The following PIEZO2 variants were observed in gnomAD, a reference collection of about 807,000 sequenced individuals.
PIEZO2 encodes piezo type mechanosensitive ion channel component 2, also known as piezo-type mechanosensitive ion channel component 2.
PIEZO2 carries 172 observed loss-of-function variants against 337.3 expected under a neutral mutation model. The observed-to-expected ratio is 0.51, with a 90% confidence interval of 0.45 to 0.58. The LOEUF is 0.58. Among genes scored for constraint, PIEZO2 ranks in the 20% least tolerant of loss-of-function variants. PIEZO2 has a pLI of 0.00. For missense variants in PIEZO2, 3,028 were observed against 3,391.3 expected (o/e 0.89, Z 2.66); for synonymous variants, 1,251 against 1,228.5 (o/e 1.02, Z -0.38).
At chr18:10,679,646 T>G (rs1204362590) in intron 52 of PIEZO2, among the ~76,000 whole-genome samples, 2 of 152,176 alleles carry the variant, frequency 1.3e-5, no homozygotes, top group African/African-American at 4.8e-5. Context: ...AGGAACGGCC[T>G]TTCTCTCTCA....
chr18:10,753,638 G>C (rs2037730201), intron 27 of PIEZO2, among the ~76,000 whole-genome samples: 1 of 152,164 alleles, frequency 6.6e-6, no homozygotes, highest in South Asian at 2.1e-4. Flanking sequence ...GCGCATTTGG[G>C]AAGAAACATA....
In PIEZO2 at chr18:10,681,721, C is replaced by A. The variant is rs1484214836; in HGVS notation, c.7719G>T (p.Gln2573His). ...PIFTMSAQQS[Q>H]LKVMDQQSFN... The stretch of plus-strand genomic sequence containing the variant: ...AGCTCTGCTGGTCCATAACTTTCAA[C>A]TGGCTTTGTTGGGCACTCATTGTGA... Residue 2573 changes from glutamine (Q) to histidine (H), a missense_variant, in exon 51 of 56, where the codon CAG becomes CAT. Physicochemically the swap from Gln to His is conservative, Grantham distance 24 (BLOSUM62 0). Transcript: ENST00000674853. 2 of 1,611,592 alleles carry A rather than the reference C, an allele frequency of 1.2e-6. No homozygotes were observed. Among genetic ancestry groups the A allele is most frequent in the Admixed American group, 3.3e-5 (2 of 59,982 alleles).
intron 36 of PIEZO2, among the ~76,000 whole-genome samples, chr18:10,719,314 C>T (rs1376554278): frequency 6.6e-6 from 1 of 152,116 alleles, no homozygotes; most frequent in Non-Finnish European, 1.5e-5. Context: ...AAACATTGTA[C>T]CCAACAGGTA....
chr18:11,072,383 A>T (rs757676685), intron 1 of PIEZO2, among the ~76,000 whole-genome samples: 3 of 152,192 alleles, frequency 2.0e-5, no homozygotes, highest in Admixed American at 6.5e-5. Flanking sequence ...AATAAATAGA[A>T]CATTTCTCTT....
In PIEZO2 at chr18:10,701,981, T is replaced by C. The variant is rs749253153; in HGVS notation, c.6441+8A>G. 4.6e-6 allele frequency: 7 copies of C among 1,521,602 alleles called. No homozygotes were observed. Among genetic ancestry groups the C allele is most frequent in the Non-Finnish European group, 6.1e-6 (7 of 1,142,068 alleles). The allele number at this position is 1,521,602 out of a possible 1,614,324, so 94.3% of individuals were successfully genotyped here. ...AACTTGAACTGATTAATTGTTAACA[T>C]GCAGTACCTTCAAAATTGATCGATG... On this transcript the variant is annotated splice_region_variant and intron_variant, in intron 43 of 55. Transcript: ENST00000674853.
chr18:10,811,083 A>G (rs1360178004), intron 7 of PIEZO2, among the ~76,000 whole-genome samples: 1 of 152,112 alleles, frequency 6.6e-6, no homozygotes, highest in African/African-American at 2.4e-5. Context: ...GATATTCCTT[A>G]TAGTTAATAT....
In PIEZO2 at chr18:10,862,950, C is replaced by T. The variant is rs928341885; in HGVS notation, c.493-5739G>A. On this transcript the variant is annotated intron_variant, in intron 5 of 55. Transcript: ENST00000674853. The surrounding 1 kb of genome is among the most constrained non-coding windows in gnomAD (Gnocchi z 4.4). Reference sequence around the variant, plus strand: ...TCTGGAACCTCCTTTAGGTTTCAGTCGAGCTTTGGACCTCAGAGCAGAGCT... The same window carrying T: ...TCTGGAACCTCCTTTAGGTTTCAGTTGAGCTTTGGACCTCAGAGCAGAGCT... 2.7e-4 allele frequency among the ~76,000 whole-genome samples: 41 copies of T among 152,130 alleles called. No individual in the cohort carries two copies. The highest frequency in any genetic ancestry group is 9.2e-4 in the African/African-American group (38 of 41,406).
At position 10,718,216 on chromosome 18, in the gene PIEZO2, C is replaced by A; in HGVS notation, c.5073G>T (p.Lys1691Asn). 6.5e-7 allele frequency: 1 copy of A among 1,537,006 alleles called. No individual in the cohort carries two copies. The highest frequency in any genetic ancestry group is 8.7e-7 in the Non-Finnish European group (1 of 1,146,688). The change falls in exon 37 of 56, where the codon AAG (lysine) becomes AAT (asparagine). Residue 1691 changes from lysine to asparagine, a missense_variant. Lys to Asn is a moderately conservative substitution (Grantham distance 94, BLOSUM62 0). Around this residue, in one of 5 missense-constraint regions of PIEZO2, gnomAD observed 1,925 missense variants for 2,051.9 expected, o/e 0.94. Coordinates refer to ENST00000674853, the MANE Select transcript of PIEZO2 (RefSeq NM_001378183.1). ...TTTTGTTACCTGGTCCATCGGATTT[C>A]TTTTTGATTGGTTCATCCTCCCGGT... ...WEDREDEPIK[K>N]KSDGPDNIIK...
At chr18:11,147,185 C>T (rs1475820419) in intron 1 of PIEZO2, among the ~76,000 whole-genome samples, 1 of 152,160 alleles carries the variant, frequency 6.6e-6, no homozygotes, top group Non-Finnish European at 1.5e-5. Context: ...GGAAGCTTAG[C>T]TCTTCATCTA....
At position 11,102,394 on chromosome 18, in the gene PIEZO2, C is replaced by T. The variant is rs2039445627; in HGVS notation, c.65-36172G>A. ...TCAATTTACAAAGTAGAATGGTCTC[C>T]TCCTGTCAGTGGGCAAAACCCTGAT... On this transcript the variant is annotated intron_variant, in intron 1 of 55. Coordinates refer to ENST00000674853, the MANE Select transcript of PIEZO2 (RefSeq NM_001378183.1). The surrounding 1 kb of genome is among the most constrained non-coding windows in gnomAD (Gnocchi z 5.7). Among the ~76,000 whole-genome samples the T allele has an allele frequency of 6.6e-6, 1 of 152,138 alleles. No homozygotes were observed. The highest frequency in any genetic ancestry group is 1.5e-5 in the Non-Finnish European group (1 of 68,034).
At position 10,940,365 on chromosome 18, in the gene PIEZO2, G is replaced by C. The variant is rs2032661178; in HGVS notation, c.287-29137C>G. Among the ~76,000 whole-genome samples, 1 of 152,172 alleles carries C rather than the reference G, an allele frequency of 6.6e-6. No individual in the cohort carries two copies. The highest frequency in any genetic ancestry group is 1.5e-5 in the Non-Finnish European group (1 of 68,034). Reference sequence around the variant, plus strand: ...TGATTCTGTAAAAGTACTGGGTCTAGATACTGATTTCACAGGATCAGTGCT... The same window carrying C: ...TGATTCTGTAAAAGTACTGGGTCTACATACTGATTTCACAGGATCAGTGCT... On this transcript the variant is annotated intron_variant, in intron 3 of 55. Transcript: ENST00000674853. This position sits in a 1 kb window ranked among gnomAD's most constrained non-coding sequence, Gnocchi z 5.3.
rs2040350483 is a variant in PIEZO2, at chr18:10,815,922, AAAAT to A, written c.918-8652_918-8649del. On this transcript the variant is annotated intron_variant, in intron 7 of 55. Transcript: ENST00000674853. The surrounding 1 kb of genome is among the most constrained non-coding windows in gnomAD (Gnocchi z 4.1). ...AGTTATTCGCTCCTTACAGGTCCAC[AAAAT>A]TGCACCCAGCACACGTCAGTGGAGT... Among the ~76,000 whole-genome samples the A allele has an allele frequency of 6.6e-6, 1 of 152,192 alleles. No homozygotes were observed. Among genetic ancestry groups the A allele is most frequent in the Non-Finnish European group, 1.5e-5 (1 of 68,016 alleles).
intron 36 of PIEZO2, chr18:10,725,278 A>C (rs2036486903): frequency 1.9e-6 from 3 of 1,569,744 alleles, no homozygotes; most frequent in Admixed American, 1.7e-5. Context: ...CAAGTGCCAG[A>C]TATGGTCCAT....
Position 10,727,341 on chromosome 18 carries a change from T to G in PIEZO2, c.5029+4066A>C, listed in dbSNP as rs2036582943. The G allele has an allele frequency of 1.9e-5, 3 of 156,322 alleles. No homozygotes were observed. The highest frequency in any genetic ancestry group is 7.2e-5 in the African/African-American group (3 of 41,540). 9.7% of individuals were successfully genotyped at this position (156,322 alleles called of 1,614,324 possible). On this transcript the variant is annotated intron_variant, in intron 36 of 55. Transcript: ENST00000674853. The surrounding 1 kb of genome is among the most constrained non-coding windows in gnomAD (Gnocchi z 6.3). ...CCCTCACCTGTCCCCTTGGTGCTCC[T>G]TCAGCATTCGTGCTGTCTGCTTCTC...
intron 36 of PIEZO2, chr18:10,728,149 T>C (rs905461614): frequency 6.6e-6 from 1 of 152,586 alleles, no homozygotes; most frequent in Non-Finnish European, 1.5e-5. Context: ...AGAATTCAAC[T>C]ACATTCAAAT....
At chr18:10,971,052 A>C (rs1002644795) in intron 3 of PIEZO2, among the ~76,000 whole-genome samples, 8 of 152,178 alleles carry the variant, frequency 5.3e-5, no homozygotes, top group African/African-American at 4.8e-5. Flanking sequence ...GGCATTAATC[A>C]GGCCCTGGAG....
Position 10,726,917 on chromosome 18 carries a change from T to C in PIEZO2, c.5029+4490A>G, listed in dbSNP as rs1209683689. ...ACCAACCGGCTGGATGTGGCGGAGCTGGGTCGCCTGCTGCCCGACTGATGT... is the reference window on the plus strand; with the variant it reads ...ACCAACCGGCTGGATGTGGCGGAGCCGGGTCGCCTGCTGCCCGACTGATGT... On this transcript the variant is annotated intron_variant, in intron 36 of 55. Coordinates refer to ENST00000674853, the MANE Select transcript of PIEZO2 (RefSeq NM_001378183.1). This position sits in a 1 kb window ranked among gnomAD's most constrained non-coding sequence, Gnocchi z 5.9. The C allele has an allele frequency of 8.4e-5, 132 of 1,567,494 alleles. No homozygotes were observed. The highest frequency in any genetic ancestry group is 1.1e-4 in the Non-Finnish European group (124 of 1,154,354).
At position 10,895,294 on chromosome 18, in the gene PIEZO2, A is replaced by C. The variant is rs1416414949; in HGVS notation, c.329+15892T>G. ...AACCCCATTTCTACTAAAAATACAA[A>C]AATTAGCTGGGTATGTTGGTGCGCA... On this transcript the variant is annotated intron_variant, in intron 4 of 55. Coordinates refer to ENST00000674853, the MANE Select transcript of PIEZO2 (RefSeq NM_001378183.1). This position sits in a 1 kb window ranked among gnomAD's most constrained non-coding sequence, Gnocchi z 4.8. 6.6e-6 allele frequency among the ~76,000 whole-genome samples: 1 copy of C among 152,046 alleles called. No individual in the cohort carries two copies. The highest frequency in any genetic ancestry group is 1.9e-4 in the East Asian group (1 of 5,166).
chr18:10,767,022 CCCCTT>C lies in PIEZO2; in HGVS notation c.2946+3121_2946+3125del, dbSNP rs1568035210. On this transcript the variant is annotated intron_variant, in intron 21 of 55. Coordinates refer to ENST00000674853, the MANE Select transcript of PIEZO2 (RefSeq NM_001378183.1). The surrounding 1 kb of genome is among the most constrained non-coding windows in gnomAD (Gnocchi z 4.2). Reference sequence around the variant, plus strand: ...CCCCTCCCCTCCCCTTCCCTCCCCTCCCCTTCCCTTCCTTCTCCAATTGGCCAGGC... The same window carrying C: ...CCCCTCCCCTCCCCTTCCCTCCCCTCCCCTTCCTTCTCCAATTGGCCAGGC... 1.3e-5 allele frequency among the ~76,000 whole-genome samples: 2 copies of C among 149,270 alleles called. No homozygotes were observed. Among genetic ancestry groups the C allele is most frequent in the Non-Finnish European group, 3.0e-5 (2 of 66,848 alleles).
Sources: allele counts gnomAD v4.1 joint callset (sites outside exome capture counted in the v4.1 genomes callset), GRCh38; gene constraint gnomAD v4.1.1; regional missense constraint gnomAD v4.1.1; non-coding constraint Gnocchi (gnomAD v3.1); transcripts MANE v1.5; gene names NCBI Gene and HGNC (gene_info 2026-07-23, HGNC 2026-07-21).